Variants in AHI1 observed in about 807,000 individuals in gnomAD.
The protein encoded by AHI1 is Abelson helper integration site 1.
In AHI1, 123 loss-of-function variants were observed where a neutral mutation model predicts 149.3. The ratio of observed to expected loss-of-function variants is 0.82; its 90% CI spans 0.71 to 0.96. The LOEUF is 0.96. Ranked by LOEUF, AHI1 falls within the 40% of genes least tolerant of loss-of-function variation. AHI1 has a pLI of 0.00. For missense variants in AHI1, 1,439 were observed against 1,422.7 expected (o/e 1.01, Z -0.18); for synonymous variants, 475 against 459.8 (o/e 1.03, Z -0.42).
At chr6:135,360,917 C>G (rs1259410051) in intron 23 of AHI1, among the ~76,000 whole-genome samples, 1 of 152,190 alleles carries the variant, frequency 6.6e-6, no homozygotes, top group Non-Finnish European at 1.5e-5. Context: ...GTCTAACAAT[C>G]TCTGCCTTTC....
At chr6:135,476,389 T>C (rs1792644971) in intron 5 of AHI1, among the ~76,000 whole-genome samples, 1 of 152,026 alleles carries the variant, frequency 6.6e-6, no homozygotes, top group Non-Finnish European at 1.5e-5. Context: ...CTATGTAGAC[T>C]TGTTTTATGG....
At chr6:135,327,905 C>G (rs1044363445) in intron 24 of AHI1, among the ~76,000 whole-genome samples, 1 of 152,198 alleles carries the variant, frequency 6.6e-6, no homozygotes, top group African/African-American at 2.4e-5. Context: ...GATCGCTCTA[C>G]GTATCTCTTC....
rs574712070 is a variant in AHI1 at position 135,343,801 on chromosome 6, C to G, written c.3165+14331G>C. Among the ~76,000 whole-genome samples the G allele has an allele frequency of 7.4e-4, 112 of 152,018 alleles. 1 individual carries two copies. The highest frequency in any genetic ancestry group is 2.6e-3 in the African/African-American group (110 of 41,532). ...GTAACAGCTAAATATATAAAGCCCTCATAAGAAAATCTGAGAGTCAATCTT... is the reference window on the plus strand; with the variant it reads ...GTAACAGCTAAATATATAAAGCCCTGATAAGAAAATCTGAGAGTCAATCTT... On this transcript the variant is annotated intron_variant, in intron 24 of 28. Transcript: ENST00000265602.
chr6:135,361,644 T>TTCAC (rs1554293233), intron 23 of AHI1, among the ~76,000 whole-genome samples: 15 of 91,840 alleles, frequency 1.6e-4, no homozygotes, highest in South Asian at 3.7e-4. Flanking sequence ...TAGGTATGGT[T>TTCAC]TCACACACAC....
At chr6:135,435,889 T>C (rs1785327732) in intron 15 of AHI1, among the ~76,000 whole-genome samples, 1 of 152,102 alleles carries the variant, frequency 6.6e-6, no homozygotes, top group South Asian at 2.1e-4. Context: ...TAGTTAGATG[T>C]GAAAGAAATG....
chr6:135,324,822 G>T (rs774245614), intron 24 of AHI1, among the ~76,000 whole-genome samples: 19 of 152,074 alleles, frequency 1.2e-4, no homozygotes, highest in Non-Finnish European at 2.6e-4. Context: ...AACTGTTTCT[G>T]ATACCTTTTA....
intron 27 of AHI1, chr6:135,297,469 C>T: frequency 2.2e-6 from 1 of 456,282 alleles, no homozygotes; most frequent in South Asian, 1.5e-5. Context: ...GCATATTCCT[C>T]CTGCCTTCTC....
intron 23 of AHI1, among the ~76,000 whole-genome samples, chr6:135,382,996 A>C (rs1777062039): frequency 6.9e-6 from 1 of 144,986 alleles, no homozygotes; most frequent in Non-Finnish European, 1.5e-5. Context: ...TGGATCACTT[A>C]CCACAGAATC....
At chr6:135,490,084 T>C in intron 5 of AHI1, 1 of 691,426 alleles carries the variant, frequency 1.4e-6, no homozygotes, top group Non-Finnish European at 2.7e-6. Context: ...GATCAGGTTG[T>C]AGTTAGTTGC....
intron 24 of AHI1, among the ~76,000 whole-genome samples, chr6:135,356,850 C>A (rs1793049608): frequency 6.6e-6 from 1 of 152,138 alleles, no homozygotes; most frequent in African/African-American, 2.4e-5. Flanking sequence ...TTAAATCAAT[C>A]ATAGGGATTT....
intron 20 of AHI1, among the ~76,000 whole-genome samples, chr6:135,414,652 G>A (rs1782079802): frequency 6.6e-6 from 1 of 151,938 alleles, no homozygotes; most frequent in Non-Finnish European, 1.5e-5. Context: ...TACTGAAGAA[G>A]CTATATGGAT....
intron 23 of AHI1, among the ~76,000 whole-genome samples, chr6:135,364,161 C>A (rs1159885902): frequency 6.6e-6 from 1 of 151,666 alleles, no homozygotes; most frequent in Admixed American, 6.5e-5. Context: ...CGGAGGGGCT[C>A]CTCACTTCTC....
At position 135,348,097 on chromosome 6, in the gene AHI1, C is replaced by T. The variant is rs556195823; in HGVS notation, c.3165+10035G>A. On this transcript the variant is annotated intron_variant, in intron 24 of 28. Coordinates refer to ENST00000265602, the MANE Select transcript of AHI1 (RefSeq NM_001134831.2). ...TCTCTGTCAAAGACTAATCTCACTG[C>T]TGGGGACACTGAGATGACAGGATAG... 9.1e-4 allele frequency among the ~76,000 whole-genome samples: 138 copies of T among 152,258 alleles called. 1 individual carries two copies. The highest frequency in any genetic ancestry group is 3.4e-3 in the Middle Eastern group (1 of 294).
At chr6:135,392,825 T>C (rs902723508) in intron 23 of AHI1, among the ~76,000 whole-genome samples, 1 of 152,170 alleles carries the variant, frequency 6.6e-6, no homozygotes, top group Admixed American at 6.5e-5. Flanking sequence ...ATTCCATGTT[T>C]AGAAATAGAG....
chr6:135,341,691 G>A (rs1790394331), intron 24 of AHI1, among the ~76,000 whole-genome samples: 3 of 151,766 alleles, frequency 2.0e-5, no homozygotes, highest in Admixed American at 6.6e-5. Context: ...CATAATGTAT[G>A]GAACGTAAAC....
chr6:135,481,263 C>T (rs191052825), intron 5 of AHI1, among the ~76,000 whole-genome samples: 28 of 152,278 alleles, frequency 1.8e-4, no homozygotes, highest in Middle Eastern at 6.8e-3. Flanking sequence ...TTATAAATTA[C>T]GTTTCTGGTA....
chr6:135,465,991 G>A lies in AHI1; in HGVS notation c.572C>T (p.Ala191Val), dbSNP rs1790684045. Residue 191 changes from alanine (A) to valine (V), a missense_variant, in exon 7 of 29, where the codon GCA becomes GTA. Transcript: ENST00000265602. Reference sequence around the variant, plus strand: ...TTCTTCAGTTACATGGCACTGATATGCTTGCATCAATTCTTCATCCTCTTC... The same window carrying A: ...TTCTTCAGTTACATGGCACTGATATACTTGCATCAATTCTTCATCCTCTTC... The part of the protein sequence containing the change: ...DLEEDEELMQ[A>V]YQCHVTEEMA... 1 of 1,613,782 alleles carries A rather than the reference G, an allele frequency of 6.2e-7. No homozygotes were observed. Among genetic ancestry groups the A allele is most frequent in the South Asian group, 1.1e-5 (1 of 91,066 alleles).
At chr6:135,290,394 G>C (rs12154212) in intron 28 of AHI1, 29 bp downstream of exon 28, 1 of 1,293,176 alleles carries the variant, frequency 7.7e-7, no homozygotes, top group Non-Finnish European at 1.1e-6. Context: ...TGACAACATA[G>C]CGCAACTTTC....
At chr6:135,372,328 G>C (rs932057412) in intron 23 of AHI1, among the ~76,000 whole-genome samples, 1 of 152,118 alleles carries the variant, frequency 6.6e-6, no homozygotes, top group African/African-American at 2.4e-5. Flanking sequence ...GATGACAATA[G>C]AAGAATTAGA....
Sources: allele counts gnomAD v4.1 joint callset (sites outside exome capture counted in the v4.1 genomes callset), GRCh38; gene constraint gnomAD v4.1.1; transcripts MANE v1.5; gene names NCBI Gene and HGNC (gene_info 2026-07-23, HGNC 2026-07-21).